NTN5: variants seen among roughly 807,000 people sequenced by gnomAD.
The protein encoded by NTN5 is netrin 5, also known as netrin-5.
A neutral mutation model predicts 38.7 loss-of-function variants in NTN5; 42 were observed. The ratio of observed to expected loss-of-function variants is 1.08; its 90% CI spans 0.85 to 1.40. The LOEUF is 1.40. Among genes scored for constraint, NTN5 ranks in the 40% most tolerant of loss-of-function variants. The pLI is 0.00. For missense variants in NTN5, 658 were observed against 716.5 expected, an observed-to-expected ratio of 0.92 and a Z score of 0.93; for synonymous variants, 329 against 303.9, an observed-to-expected ratio of 1.08 and a Z score of -0.86.
At position 48,661,635 on chromosome 19, in the gene NTN5, C is replaced by T. The variant is rs745496710; in HGVS notation, c.*42G>A. On this transcript the variant is annotated 3_prime_UTR_variant, in exon 7 of 7. Transcript: ENST00000270235. ...TAGAAGGCTCAGCTCCTAGTCGCTC[C>T]CAAATTACTTTGTTGGTGCTCGAGG... is the stretch of plus-strand genomic sequence containing the variant. The T allele has an allele frequency of 1.4e-6, 2 of 1,475,772 alleles. No homozygotes were observed. 91.4% of individuals were successfully genotyped at this position (1,475,772 alleles called of 1,614,324 possible).
chr19:48,664,819 A>G (rs1032309847), intron 2 of NTN5, 52 bp from the exon 3 acceptor site: 1 of 1,428,712 alleles, frequency 7.0e-7, no homozygotes, highest in South Asian at 1.5e-5. Context: ...GCTGCTCCCC[A>G]GTCCTCAGCT....
At chr19:48,669,006 A>C (rs1400586722) in intron 2 of NTN5, among the ~76,000 whole-genome samples, 1 of 150,594 alleles carries the variant, frequency 6.6e-6, no homozygotes, top group East Asian at 2.0e-4. Context: ...CATCATCACC[A>C]CTATCACCAC....
At chr19:48,667,838 AGAGC>A (rs1010219516) in intron 2 of NTN5, among the ~76,000 whole-genome samples, 9 of 152,098 alleles carry the variant, frequency 5.9e-5, no homozygotes, top group Non-Finnish European at 1.2e-4. Context: ...CCTGGGTGAC[AGAGC>A]AAGACTCCAT....
intron 2 of NTN5, among the ~76,000 whole-genome samples, chr19:48,666,106 G>A (rs1354765643): frequency 6.6e-6 from 1 of 152,214 alleles, no homozygotes. Context: ...AGGGCTCTGT[G>A]AGGCTGGCAC....
Position 48,670,960 on chromosome 19 carries a change from G to A in NTN5, c.27C>T (p.Leu9=). 2 of 1,548,378 alleles carry A rather than the reference G, an allele frequency of 1.3e-6. No homozygotes were observed. Among genetic ancestry groups the A allele is most frequent in the Non-Finnish European group, 8.7e-7 (1 of 1,146,884 alleles). Residue 9 remains leucine (L), a synonymous_variant, in exon 2 of 7, where the codon CTC becomes CTT. Coordinates refer to ENST00000270235, the MANE Select transcript of NTN5 (RefSeq NM_145807.4). ...GGTCCGCAGTGGCCTGGCCCAGGAGGAGCAGGAGGGCAAAGGTCACGGGCA... is the reference window on the plus strand; with the variant it reads ...GGTCCGCAGTGGCCTGGCCCAGGAGAAGCAGGAGGGCAAAGGTCACGGGCA... MPVTFALL[L]LLGQATADPC...
At chr19:48,669,709 C>T (rs1601212876) in intron 2 of NTN5, among the ~76,000 whole-genome samples, 1 of 134,978 alleles carries the variant, frequency 7.4e-6, no homozygotes, top group Non-Finnish European at 1.6e-5. Flanking sequence ...ATCACCATCA[C>T]CACCATCACC....
Position 48,661,978 on chromosome 19 carries a change from C to A in NTN5, c.1169G>T (p.Arg390Leu). The A allele has an allele frequency of 3.4e-6, 5 of 1,480,278 alleles. No individual in the cohort carries two copies. The highest frequency in any genetic ancestry group is 4.5e-6 in the Non-Finnish European group (5 of 1,122,668). The allele number at this position is 1,480,278 out of a possible 1,614,324, so 91.7% of individuals were successfully genotyped here. The change falls in exon 7 of 7, where the codon CGC becomes CTC. Residue 390 changes from arginine to leucine, a missense_variant. Coordinates refer to ENST00000270235, the MANE Select transcript of NTN5 (RefSeq NM_145807.4). ...AGPAWQRLAV[R>L]VLAVYKQRAQ... ...CCGCTGCTTGTAAACGGCCAGCACG[C>A]GCACGGCCAGCCGCTGCCATGCCGG...
At chr19:48,672,091 C>T (rs2031977282) in intron 1 of NTN5, among the ~76,000 whole-genome samples, 1 of 152,112 alleles carries the variant, frequency 6.6e-6, no homozygotes, top group Non-Finnish European at 1.5e-5. Flanking sequence ...AGACCAGAGT[C>T]CCCACATTCT....
intron 2 of NTN5, among the ~76,000 whole-genome samples, chr19:48,669,528 TCACCACCACCATCACCAC>T (rs2031840421): frequency 5.0e-5 from 1 of 20,168 alleles, no homozygotes. Flanking sequence ...ACCACCACCA[TCACCACCACCATCACCAC>T]CACCACCATC....
intron 3 of NTN5, 26 bp downstream of exon 3, chr19:48,664,553 C>A (rs768597125): frequency 7.6e-6 from 12 of 1,578,394 alleles, no homozygotes; most frequent in African/African-American, 1.4e-5. Flanking sequence ...CTGCTCCCCC[C>A]AGGCCTGTCT....
At chr19:48,668,140 C>G (rs1043303260) in intron 2 of NTN5, among the ~76,000 whole-genome samples, 1 of 152,082 alleles carries the variant, frequency 6.6e-6, no homozygotes, top group African/African-American at 2.4e-5. Flanking sequence ...TGGGACATTC[C>G]TGGGGGGCCC....
rs1412674449 is a variant in NTN5 at position 48,670,788 on chromosome 19, A to C, written c.199T>G (p.Leu67Val). 5.6e-6 allele frequency: 9 copies of C among 1,612,998 alleles called. No individual in the cohort carries two copies. The highest frequency in any genetic ancestry group is 6.8e-6 in the Non-Finnish European group (8 of 1,179,952). Residue 67 changes from leucine (L) to valine (V), a missense_variant, in exon 2 of 7, where the codon TTG becomes GTG. Physicochemically the swap from Leu to Val is conservative, Grantham distance 32. Coordinates refer to ENST00000270235, the MANE Select transcript of NTN5 (RefSeq NM_145807.4). ...ARETCNGSLT[L>V]ALGGPFLLTS... Reference sequence around the variant, plus strand: ...AGGAGGAAGGGGCCACCCAGGGCCAAAGTCAGGCTGCCATTGCAGGTTTCC... The same window carrying C: ...AGGAGGAAGGGGCCACCCAGGGCCACAGTCAGGCTGCCATTGCAGGTTTCC...
intron 2 of NTN5, among the ~76,000 whole-genome samples, chr19:48,666,918 G>T (rs2457644): frequency 4.0e-5 from 6 of 151,878 alleles, no homozygotes; most frequent in Non-Finnish European, 8.8e-5. Context: ...TCTTTGAAGA[G>T]ACTTGGACTG....
At chr19:48,663,934 C>T in intron 4 of NTN5, 120 bp from the exon 5 acceptor site, 1 of 1,180,144 alleles carries the variant, frequency 8.5e-7, no homozygotes, top group Non-Finnish European at 1.2e-6. Flanking sequence ...CTCAAGAGTG[C>T]AAGCATCCCT....
At chr19:48,671,045 C>T (rs1299623005) in intron 1 of NTN5, 39 bp from the exon 2 acceptor site, 9 of 1,426,350 alleles carry the variant, frequency 6.3e-6, no homozygotes, top group East Asian at 5.0e-5. Context: ...GGATCTCAGC[C>T]GCAGCCTCTA....
chr19:48,669,568 C>G (rs1601212352), intron 2 of NTN5, among the ~76,000 whole-genome samples: 1 of 22,142 alleles, frequency 4.5e-5, no homozygotes. Context: ...CCACCACCAT[C>G]ACCACCATCA....
intron 2 of NTN5, among the ~76,000 whole-genome samples, chr19:48,669,867 CCAT>C (rs2031887550): frequency 9.2e-6 from 1 of 108,680 alleles, no homozygotes; most frequent in Non-Finnish European, 2.0e-5. Context: ...ACCACCATCA[CCAT>C]CATCACCACT....
rs772091294 is a variant in NTN5 at position 48,662,002 on chromosome 19, G to A, written c.1145C>T (p.Pro382Leu). 2.0e-6 allele frequency: 3 copies of A among 1,487,658 alleles called. No individual in the cohort carries two copies. Among genetic ancestry groups the A allele is most frequent in the Non-Finnish European group, 1.8e-6 (2 of 1,125,998 alleles). 92.2% of individuals were successfully genotyped at this position (1,487,658 alleles called of 1,614,324 possible). ...GCGCACGGCCAGCCGCTGCCATGCCGGGCCCGCCGCCTCGGACGCTAGCAC... is the reference window on the plus strand; with the variant it reads ...GCGCACGGCCAGCCGCTGCCATGCCAGGCCCGCCGCCTCGGACGCTAGCAC... Reference protein sequence around the residue: ...AQVLASEAAGPAWQRLAVRVL... With the variant: ...AQVLASEAAGLAWQRLAVRVL... Residue 382 changes from proline to leucine, a missense_variant, in exon 7 of 7, where the codon CCG (proline) becomes CTG (leucine). Physicochemically the swap from Pro to Leu is moderately conservative, Grantham distance 98. Transcript: ENST00000270235.
chr19:48,667,405 T>G (rs1434003619), intron 2 of NTN5: 5 of 426,678 alleles, frequency 1.2e-5, no homozygotes, highest in African/African-American at 1.0e-4. Context: ...CAGGACAGCC[T>G]CCCCAGCGCC....
Sources: allele counts gnomAD v4.1 joint callset (sites outside exome capture counted in the v4.1 genomes callset), GRCh38; gene constraint gnomAD v4.1.1; transcripts MANE v1.5; gene names NCBI Gene and HGNC (gene_info 2026-07-23, HGNC 2026-07-21).